Variants in FREM2 observed in about 807,000 individuals in gnomAD.
FREM2 encodes the protein FRAS1 related extracellular matrix 2.
Under a neutral mutation model 219.9 loss-of-function variants are expected in FREM2, and 119 were observed. That is an observed-to-expected ratio of 0.54 (90% CI 0.47 to 0.63). FREM2 has a LOEUF of 0.63. Among genes scored for constraint, FREM2 ranks in the 30% least tolerant of loss-of-function variants. FREM2 has a pLI of 0.00. For missense variants in FREM2, 4,030 were observed against 3,993.6 expected (o/e 1.01, Z -0.25); for synonymous variants, 1,562 against 1,522.8 (o/e 1.03, Z -0.60).
chr13:38,701,580 C>T (rs561625697), intron 2 of FREM2, among the ~76,000 whole-genome samples: 1 of 151,900 alleles, frequency 6.6e-6, no homozygotes, highest in East Asian at 1.9e-4. Context: ...TCTCAGTGTT[C>T]AACTCTCTGT....
Position 38,687,654 on chromosome 13 carries a change from C to G in FREM2, c.310C>G (p.Arg104Gly), listed in dbSNP as rs897385516. 2 of 1,606,624 alleles carry G rather than the reference C, an allele frequency of 1.2e-6. No individual in the cohort carries two copies. Among genetic ancestry groups the G allele is most frequent in the Admixed American group, 1.7e-5 (1 of 59,642 alleles). The change falls in exon 1 of 24, where the codon CGC becomes GGC. Residue 104 changes from arginine (R) to glycine (G), a missense_variant. Arg to Gly is a moderately radical substitution (Grantham distance 125, BLOSUM62 -2). This residue lies in a region of FREM2 where 3,102 missense variants were observed against 2,950.7 expected (regional missense o/e 1.05). Transcript: ENST00000280481. ...GGTGTTGCAGGTGCAGCCCGGGGACCGCTGCGCGGTTTCGGTACTAGACAA... is the reference window on the plus strand; with the variant it reads ...GGTGTTGCAGGTGCAGCCCGGGGACGGCTGCGCGGTTTCGGTACTAGACAA... Reference protein sequence around the residue: ...DLVLQVQPGDRCAVSVLDNDA... With the variant: ...DLVLQVQPGDGCAVSVLDNDA...
At position 38,881,070 on chromosome 13, in the gene FREM2, C is replaced by A. The variant is rs1878530025; in HGVS notation, c.*283C>A. The A allele has an allele frequency of 2.0e-6, 1 of 490,126 alleles. No homozygotes were observed. The highest frequency in any genetic ancestry group is 3.3e-5 in the Admixed American group (1 of 30,592). 30.4% of individuals were successfully genotyped at this position (490,126 alleles called of 1,614,324 possible). ...ATGTACTCCTCATTTTAGACATATT[C>A]TCTATGCAGTGGAGATAAATCTATT... is the stretch of plus-strand genomic sequence containing the variant. On this transcript the variant is annotated 3_prime_UTR_variant, in exon 24 of 24. Coordinates refer to ENST00000280481, the MANE Select transcript of FREM2 (RefSeq NM_207361.6).
chr13:38,770,868 A>AAAAAAG (rs940895247), intron 4 of FREM2, among the ~76,000 whole-genome samples: 1 of 152,192 alleles, frequency 6.6e-6, no homozygotes, highest in Non-Finnish European at 1.5e-5. Context: ...TAAAAAGAAA[A>AAAAAAG]AAAAAGAAAA....
chr13:38,884,829 C>T lies in FREM2; in HGVS notation c.*4042C>T, dbSNP rs1032698070. 6.6e-6 allele frequency: 1 copy of T among 152,102 alleles called. No individual in the cohort carries two copies. Among genetic ancestry groups the T allele is most frequent in the African/African-American group, 2.4e-5 (1 of 41,424 alleles). 9.4% of individuals were successfully genotyped at this position (152,102 alleles called of 1,614,324 possible). On this transcript the variant is annotated 3_prime_UTR_variant, in exon 24 of 24. Transcript: ENST00000280481. ...CATCTCATTTCTAGGAAAGAGATAA[C>T]ACTAAAGGCATCATAGGTTTAACTG...
At chr13:38,808,207 G>C (rs1566149626) in intron 6 of FREM2, among the ~76,000 whole-genome samples, 1 of 151,960 alleles carries the variant, frequency 6.6e-6, no homozygotes, top group Non-Finnish European at 1.5e-5. Flanking sequence ...ATTGAAGAGA[G>C]TTAAGGCCTT....
At chr13:38,720,317 G>A (rs1374306350) in intron 2 of FREM2, among the ~76,000 whole-genome samples, 1 of 152,196 alleles carries the variant, frequency 6.6e-6, no homozygotes, top group Non-Finnish European at 1.5e-5. Context: ...ACTAGAATGG[G>A]ATAGAGGTTT....
intron 2 of FREM2, among the ~76,000 whole-genome samples, chr13:38,706,441 C>T (rs566757806): frequency 6.6e-6 from 1 of 152,232 alleles, no homozygotes; most frequent in African/African-American, 2.4e-5. Flanking sequence ...AATAAATGTA[C>T]CTTTGAGAAA....
chr13:38,780,922 G>A (rs1318702052), intron 4 of FREM2, among the ~76,000 whole-genome samples: 2 of 152,170 alleles, frequency 1.3e-5, no homozygotes, highest in Non-Finnish European at 2.9e-5. Context: ...CTGCTTCTCT[G>A]CCTGTCTTTG....
intron 22 of FREM2, among the ~76,000 whole-genome samples, chr13:38,878,594 T>G (rs1878433159): frequency 6.6e-6 from 1 of 151,686 alleles, no homozygotes; most frequent in Non-Finnish European, 1.5e-5. Flanking sequence ...GTGGGAAGAT[T>G]GCTTAAGTCA....
intron 6 of FREM2, among the ~76,000 whole-genome samples, chr13:38,836,776 G>A (rs1876727082): frequency 6.6e-6 from 1 of 152,038 alleles, no homozygotes; most frequent in Non-Finnish European, 1.5e-5. Context: ...TATTTCTGTG[G>A]GATCAGTGGT....
At chr13:38,807,234 G>GATATATATATATATATATATA (rs1875282303) in intron 6 of FREM2, among the ~76,000 whole-genome samples, 1 of 30,852 alleles carries the variant, frequency 3.2e-5, no homozygotes, top group Admixed American at 5.4e-4. Context: ...TATATGTATG[G>GATATATATATATATATATATA]TTTTGTTTTG....
rs765038192 is a variant in FREM2 at position 38,692,055 on chromosome 13, A to C, written c.4711A>C (p.Thr1571Pro). Reference protein sequence around the residue: ...RDTPDKLLKFTITQVPIHGHL... With the variant: ...RDTPDKLLKFPITQVPIHGHL... ...TACTCCTGACAAGCTCCTGAAATTC[A>C]CTATCACCCAGGTGCCTATTCATGG... The change falls in exon 1 of 24, where the codon ACT becomes CCT. Residue 1571 changes from threonine to proline, a missense_variant. Physicochemically the swap from Thr to Pro is conservative, Grantham distance 38. This residue lies in a region of FREM2 where 3,102 missense variants were observed against 2,950.7 expected (regional missense o/e 1.05). Transcript: ENST00000280481. 3 of 1,614,050 alleles carry C rather than the reference A, an allele frequency of 1.9e-6. No homozygotes were observed. The highest frequency in any genetic ancestry group is 2.5e-6 in the Non-Finnish European group (3 of 1,180,040).
chr13:38,687,308 T>TC lies in FREM2; in HGVS notation c.-36dup, dbSNP rs1220901876. 1 of 1,570,592 alleles carries TC rather than the reference T, an allele frequency of 6.4e-7. No individual in the cohort carries two copies. The highest frequency in any genetic ancestry group is 1.8e-5 in the Admixed American group (1 of 54,410). On this transcript the variant is annotated 5_prime_UTR_variant, in exon 1 of 24. An upstream open reading frame in the 5' UTR loses its in-frame stop. Transcript: ENST00000280481. ...CTGCCCGGGGACCGACTTCGCATGC[T>TC]CTCAGGCTGACCTGTCCAAGCCCGA...
Position 38,784,776 on chromosome 13 carries a change from C to G in FREM2, c.5987C>G (p.Ala1996Gly). The G allele has an allele frequency of 6.2e-7, 1 of 1,614,150 alleles. No individual in the cohort carries two copies. The highest frequency in any genetic ancestry group is 8.5e-7 in the Non-Finnish European group (1 of 1,180,006). Residue 1996 changes from alanine to glycine, a missense_variant, in exon 6 of 24, where the codon GCT becomes GGT. By Grantham distance (60) the Ala-to-Gly change is moderately conservative. This residue lies in a region of FREM2 where 3,102 missense variants were observed against 2,950.7 expected (regional missense o/e 1.05). Transcript: ENST00000280481. ...AGAATCGGATCAGAGTTCCCAGGGG[C>G]TCAAGTTACAATCGTTCCTGACAAA... The part of the protein sequence containing the change: ...GGRIGSEFPG[A>G]QVTIVPDKDD...
chr13:38,703,882 A>C (rs1410438921), intron 2 of FREM2, among the ~76,000 whole-genome samples: 1 of 152,174 alleles, frequency 6.6e-6, no homozygotes, highest in East Asian at 1.9e-4. Flanking sequence ...AACAAATGAT[A>C]GTCACCTTTT....
intron 4 of FREM2, among the ~76,000 whole-genome samples, chr13:38,778,757 C>T (rs571888699): frequency 1.3e-5 from 2 of 152,136 alleles, no homozygotes; most frequent in South Asian, 4.2e-4. Context: ...ACACATTTAT[C>T]TATGTAGCAA....
In FREM2 at chr13:38,688,113, AAAGCTTTCC is replaced by A. The variant is rs757008811; in HGVS notation, c.771_779del (p.Ala258_Gln260del). 3 of 1,613,324 alleles carry A rather than the reference AAAGCTTTCC, an allele frequency of 1.9e-6. No individual in the cohort carries two copies. In the Admixed American group the frequency reaches 5.0e-5, roughly 27 times the overall value. ...CCCGGAGACTCTCCTGATGGACTGC[AAAGCTTTCC>A]AGGAACTAGGCGTGCGCTATCGCCA... On this transcript the variant is annotated inframe_deletion, in exon 1 of 24. Coordinates refer to ENST00000280481, the MANE Select transcript of FREM2 (RefSeq NM_207361.6).
At position 38,809,331 on chromosome 13, in the gene FREM2, CGTAGTAGGT is replaced by C. The variant is rs1566150002; in HGVS notation, c.6019+24527_6019+24535del. 3.3e-5 allele frequency among the ~76,000 whole-genome samples: 5 copies of C among 150,372 alleles called. No individual in the cohort carries two copies. The East Asian group carries it at 9.8e-4, about 29-fold the overall frequency. ...TTTTTTTTTTAAATTTTTGCAGGTA[CGTAGTAGGT>C]GTATATATTTTTGTTTTGGCTGCCT... On this transcript the variant is annotated intron_variant, in intron 6 of 23. Coordinates refer to ENST00000280481, the MANE Select transcript of FREM2 (RefSeq NM_207361.6).
chr13:38,783,190 A>C lies in FREM2; in HGVS notation c.5762A>C (p.Gln1921Pro). 1 of 1,614,148 alleles carries C rather than the reference A, an allele frequency of 6.2e-7. No homozygotes were observed. The highest frequency in any genetic ancestry group is 1.1e-5 in the South Asian group (1 of 91,084). The part of the protein sequence containing the change: ...SQELMVVCYT[Q>P]QGTATGTVPT... ...GAGTTGATGGTGGTCTGTTATACCCAACAAGGTAGCTCGATTTGCCGAAAA... is the reference window on the plus strand; with the variant it reads ...GAGTTGATGGTGGTCTGTTATACCCCACAAGGTAGCTCGATTTGCCGAAAA... Residue 1921 changes from glutamine (Q) to proline (P), a missense_variant, in exon 5 of 24, where the codon CAA becomes CCA. Physicochemically the swap from Gln to Pro is moderately conservative, Grantham distance 76. Around this residue, in one of 2 missense-constraint regions of FREM2, gnomAD observed 3,102 missense variants for 2,950.7 expected, o/e 1.05. Coordinates refer to ENST00000280481, the MANE Select transcript of FREM2 (RefSeq NM_207361.6).
Sources: gnomAD v4.1 joint callset for allele counts (sites outside exome capture counted in the v4.1 genomes callset) on GRCh38, gnomAD v4.1.1 for gene constraint, gnomAD v4.1.1 regional missense constraint, MANE v1.5 for transcripts, NCBI Gene and HGNC (gene_info 2026-07-23, HGNC 2026-07-21) for gene names.